Variants in LOC128125822 observed in about 807,000 individuals in gnomAD.
the LOC128125822 span, among the ~76,000 whole-genome samples, chr6:63,572,996 G>C: frequency 2.0e-5 from 3 of 152,136 alleles, no homozygotes; most frequent in Admixed American, 2.0e-4. Context: ...GGAGCGACGG[G>C]GGCGGCGCGG....
chr6:63,578,102 C>A, the LOC128125822 span, among the ~76,000 whole-genome samples: 2 of 152,130 alleles, frequency 1.3e-5, no homozygotes, highest in South Asian at 4.1e-4. Context: ...GCTGCTAGCC[C>A]CTTTTGGTTA....
chr6:63,577,838 A>G, the LOC128125822 span, among the ~76,000 whole-genome samples: 1 of 149,780 alleles, frequency 6.7e-6, no homozygotes, highest in African/African-American at 2.4e-5. Context: ...TTTAATTTTT[A>G]TTACTATATA....
chr6:63,574,887 T>G, the LOC128125822 span, among the ~76,000 whole-genome samples: 1 of 152,220 alleles, frequency 6.6e-6, no homozygotes, highest in East Asian at 1.9e-4. Flanking sequence ...GGCTTTGTAA[T>G]TTAGACACTT....
the LOC128125822 span, among the ~76,000 whole-genome samples, chr6:63,574,619 CAGG>C: frequency 6.6e-6 from 1 of 152,038 alleles, no homozygotes; most frequent in South Asian, 2.1e-4. Context: ...TTGTAGCCGA[CAGG>C]AGTTTTAGCT....
the LOC128125822 span, chr6:63,578,351 C>G: frequency 7.2e-7 from 1 of 1,383,570 alleles, no homozygotes; most frequent in Admixed American, 3.0e-5. Context: ...AGCATACTTA[C>G]TGATCAGAGA....
chr6:63,573,290 T>A, the LOC128125822 span: 2 of 151,886 alleles, frequency 1.3e-5, no homozygotes, highest in Non-Finnish European at 2.9e-5. Flanking sequence ...CGCCTCCAGA[T>A]CCGGGCGGGC....
At chr6:63,574,815 G>C in the LOC128125822 span, among the ~76,000 whole-genome samples, 1 of 152,092 alleles carries the variant, frequency 6.6e-6, no homozygotes, top group African/African-American at 2.4e-5. Context: ...TTAGAATTTG[G>C]GGTGAAAGTA....
the LOC128125822 span, among the ~76,000 whole-genome samples, chr6:63,574,941 G>A: frequency 6.6e-6 from 1 of 152,158 alleles, no homozygotes; most frequent in Non-Finnish European, 1.5e-5. Context: ...TAACCTCTGA[G>A]GGCTTGTTTG....
the LOC128125822 span, chr6:63,582,401 A>G: frequency 6.6e-6 from 1 of 152,642 alleles, no homozygotes; most frequent in Non-Finnish European, 1.5e-5. Context: ...GGTGCTAAAA[A>G]TAAATTAATT....
the LOC128125822 span, chr6:63,576,393 G>A: frequency 2.5e-6 from 1 of 399,456 alleles, no homozygotes; most frequent in Non-Finnish European, 4.4e-6. Context: ...TTTTGAATTG[G>A]AAAATAACTT....
At chr6:63,580,232 A>T in the LOC128125822 span, 1 of 1,331,506 alleles carries the variant, frequency 7.5e-7, no homozygotes, top group Admixed American at 1.7e-5. Flanking sequence ...AATTTGTTAT[A>T]CATATTAGCC....
At chr6:63,577,286 A>AT in the LOC128125822 span, among the ~76,000 whole-genome samples, 13 of 152,238 alleles carry the variant, frequency 8.5e-5, no homozygotes, top group South Asian at 2.1e-4. Flanking sequence ...CCATTTATGG[A>AT]TTTTTTATAT....
At chr6:63,582,346 TG>T in the LOC128125822 span, 1 of 152,654 alleles carries the variant, frequency 6.6e-6, no homozygotes, top group African/African-American at 2.4e-5. Context: ...AACTATCTTT[TG>T]AGTTTGAAAA....
At chr6:63,576,237 A>G in the LOC128125822 span, among the ~76,000 whole-genome samples, 6 of 152,106 alleles carry the variant, frequency 3.9e-5, no homozygotes, top group East Asian at 3.9e-4. Context: ...AGTTTAATCT[A>G]TCTGACTGCT....
chr6:63,576,824 T>A, the LOC128125822 span: 8 of 1,377,684 alleles, frequency 5.8e-6, no homozygotes, highest in Non-Finnish European at 8.1e-6. Context: ...ATCATTTCTG[T>A]ATTCAATTTT....
At chr6:63,581,132 T>G in the LOC128125822 span, 2 of 152,306 alleles carry the variant, frequency 1.3e-5, no homozygotes, top group African/African-American at 2.4e-5. Context: ...TATTTTTGTT[T>G]GAAAGTGTGA....
At chr6:63,576,797 G>C in the LOC128125822 span, 1 of 1,079,700 alleles carries the variant, frequency 9.3e-7, no homozygotes, top group Non-Finnish European at 1.4e-6. Context: ...TATTGAAGTA[G>C]ACTTCAGTTT....
the LOC128125822 span, chr6:63,576,862 GTTT>G: frequency 6.3e-7 from 1 of 1,594,998 alleles, no homozygotes; most frequent in Non-Finnish European, 8.6e-7. Flanking sequence ...CCTATTGAGT[GTTT>G]TTTAACTAAA....
At chr6:63,579,720 A>C in the LOC128125822 span, among the ~76,000 whole-genome samples, 1 of 152,318 alleles carries the variant, frequency 6.6e-6, no homozygotes, top group East Asian at 1.9e-4. Context: ...GCTGTAGAAC[A>C]TGCCTTTGTG....
Sources: gnomAD v4.1 joint callset for allele counts (sites outside exome capture counted in the v4.1 genomes callset) on GRCh38, gnomAD v4.1.1 for gene constraint, MANE v1.5 for transcripts.